The following SHQ1 variants were observed in gnomAD, a reference collection of about 807,000 sequenced individuals.
SHQ1 encodes SHQ1, H/ACA ribonucleoprotein assembly factor.
In SHQ1, 49 loss-of-function variants were observed where a neutral mutation model predicts 53.8. The observed-to-expected ratio is 0.91, with a 90% confidence interval of 0.72 to 1.16. SHQ1 has a LOEUF of 1.16. Among genes scored for constraint, SHQ1 ranks in the 50% most tolerant of loss-of-function variants. The pLI is 0.00. For missense variants in SHQ1, 738 were observed against 683.1 expected (o/e 1.08, Z -0.90); for synonymous variants, 243 against 251.0 (o/e 0.97, Z 0.30).
At chr3:72,813,473 A>G (rs1707191000) in intron 8 of SHQ1, among the ~76,000 whole-genome samples, 1 of 150,912 alleles carries the variant, frequency 6.6e-6, no homozygotes, top group Non-Finnish European at 1.5e-5. Context: ...CTCAAAAAAA[A>G]AAAAAAAAAA....
At chr3:72,731,506 T>C in the SHQ1 span, among the ~76,000 whole-genome samples, 3 of 150,224 alleles carry the variant, frequency 2.0e-5, no homozygotes, top group East Asian at 5.9e-4. Context: ...GCCAACATGG[T>C]GAAACCCCAT....
chr3:72,825,853 C>T (rs775704698), intron 5 of SHQ1, among the ~76,000 whole-genome samples: 6 of 152,164 alleles, frequency 3.9e-5, no homozygotes, highest in Non-Finnish European at 8.8e-5. Flanking sequence ...AACTGAGATA[C>T]TGAAATCACT....
At chr3:72,757,040 G>T (rs145173538) in intron 10 of SHQ1, among the ~76,000 whole-genome samples, 8 of 152,322 alleles carry the variant, frequency 5.3e-5, no homozygotes, top group Non-Finnish European at 1.0e-4. Flanking sequence ...GGGGAACTGG[G>T]TATAAATGGA....
At chr3:72,787,717 C>T (rs534401106) in intron 10 of SHQ1, among the ~76,000 whole-genome samples, 40 of 151,984 alleles carry the variant, frequency 2.6e-4, no homozygotes, top group Admixed American at 2.4e-3. Context: ...CTCTCCCCCT[C>T]CCCCTCCCTC....
chr3:72,741,483 G>C, the SHQ1 span, among the ~76,000 whole-genome samples: 2 of 152,154 alleles, frequency 1.3e-5, no homozygotes, highest in Non-Finnish European at 2.9e-5. Flanking sequence ...CTACTCAGGA[G>C]GCTGAGGCAG....
chr3:72,751,496 G>GTACATATATATATATATATATATA (rs1372925082), intron 10 of SHQ1, among the ~76,000 whole-genome samples: 3 of 117,156 alleles, frequency 2.6e-5, no homozygotes, highest in Admixed American at 7.9e-5. Context: ...GTGTGTGTGT[G>GTACATATATATATATATATATATA]TGTGTGTGTG....
the SHQ1 span, among the ~76,000 whole-genome samples, chr3:72,726,910 T>C: frequency 1.3e-5 from 2 of 152,228 alleles, no homozygotes; most frequent in East Asian, 1.9e-4. Context: ...ATTTGTGTTA[T>C]AGGCAAAAAT....
In SHQ1 at chr3:72,750,734, A is replaced by G; in HGVS notation, c.1284T>C (p.Leu428=). 1 of 1,556,518 alleles carries G rather than the reference A, an allele frequency of 6.4e-7. No individual in the cohort carries two copies. Among genetic ancestry groups the G allele is most frequent in the Non-Finnish European group, 8.7e-7 (1 of 1,149,362 alleles). Residue 428 remains leucine (L), a synonymous_variant, in exon 11 of 11, where the codon CTT becomes CTC. Coordinates refer to ENST00000325599, the MANE Select transcript of SHQ1 (RefSeq NM_018130.3). The stretch of plus-strand genomic sequence containing the variant: ...TTAATGCAGTTTCTTCCTCCTGGAC[A>G]AGCAGTGCTGCTGCTTCTAGTTCTT... ...ELEELEAAAL[L]VQEEETALKA...
At chr3:72,751,474 A>ATGTGTGTGTG (rs1491475817) in intron 10 of SHQ1, among the ~76,000 whole-genome samples, 1 of 106,128 alleles carries the variant, frequency 9.4e-6, no homozygotes, top group African/African-American at 4.4e-5. Flanking sequence ...TAATAAGCAC[A>ATGTGTGTGTG]TATGTGTGTG....
chr3:72,765,557 A>ATT lies in SHQ1; in HGVS notation c.1182-14723_1182-14722dup, dbSNP rs61074795. Among the ~76,000 whole-genome samples, 116 of 57,180 alleles carry ATT rather than the reference A, an allele frequency of 2.0e-3. 1 individual carries two copies. Among genetic ancestry groups the ATT allele is most frequent in the Non-Finnish European group, 2.4e-3 (76 of 31,884 alleles). The allele number at this position is 57,180 out of a possible 152,430, so 37.5% of individuals were successfully genotyped here. A position where few individuals can be genotyped will look rare whatever the true frequency, so the allele number is the denominator to read the frequency against. The stretch of plus-strand genomic sequence containing the variant: ...TATATATATATATATATATATATAT[A>ATT]TTTTTTTTTTTTTTTTGAGACAGTC... On this transcript the variant is annotated intron_variant, in intron 10 of 10. Coordinates refer to ENST00000325599, the MANE Select transcript of SHQ1 (RefSeq NM_018130.3).
At chr3:72,727,039 A>C in the SHQ1 span, among the ~76,000 whole-genome samples, 2 of 152,026 alleles carry the variant, frequency 1.3e-5, no homozygotes, top group African/African-American at 4.8e-5. Context: ...ATTTCAGTCA[A>C]CTCTTGACAT....
At chr3:72,772,929 C>A in intron 10 of SHQ1, 1 of 855,886 alleles carries the variant, frequency 1.2e-6, no homozygotes, top group Non-Finnish European at 2.0e-6. Flanking sequence ...AGTTATTTGA[C>A]CAGCATGAAG....
chr3:72,793,097 G>T, intron 9 of SHQ1, 61 bp from the exon 10 acceptor site: 1 of 1,433,874 alleles, frequency 7.0e-7, no homozygotes, highest in East Asian at 2.3e-5. Flanking sequence ...GACCCTGAGA[G>T]GTAATATATC....
chr3:72,753,050 C>A (rs1272736645), intron 10 of SHQ1: 1 of 984,984 alleles, frequency 1.0e-6, no homozygotes, highest in Non-Finnish European at 1.2e-6. Flanking sequence ...AACTTGGATG[C>A]ATTTAGTTGT....
the SHQ1 span, among the ~76,000 whole-genome samples, chr3:72,733,194 A>C: frequency 6.6e-6 from 1 of 151,602 alleles, no homozygotes; most frequent in Non-Finnish European, 1.5e-5. Flanking sequence ...ATGGCAAGCC[A>C]TGCAGCCCAG....
At chr3:72,820,983 T>C (rs1707458158) in intron 6 of SHQ1, among the ~76,000 whole-genome samples, 1 of 152,176 alleles carries the variant, frequency 6.6e-6, no homozygotes, top group Non-Finnish European at 1.5e-5. Context: ...AATCCTCCCT[T>C]CCTCTCTAAA....
the SHQ1 span, among the ~76,000 whole-genome samples, chr3:72,733,454 T>A: frequency 6.6e-6 from 1 of 151,398 alleles, no homozygotes; most frequent in African/African-American, 2.4e-5. Flanking sequence ...CAAATTCTCA[T>A]GAGGTTTACA....
intron 5 of SHQ1, among the ~76,000 whole-genome samples, chr3:72,832,025 T>A (rs761125462): frequency 5.9e-5 from 9 of 152,350 alleles, no homozygotes; most frequent in Non-Finnish European, 8.8e-5. Flanking sequence ...CATATTTTCA[T>A]TTATGCATAC....
At chr3:72,726,510 G>A in the SHQ1 span, among the ~76,000 whole-genome samples, 4 of 152,220 alleles carry the variant, frequency 2.6e-5, no homozygotes, top group African/African-American at 9.6e-5. Context: ...ATGCCACCAC[G>A]TCAGCTAATT....
Sources: gnomAD v4.1 joint callset for allele counts (sites outside exome capture counted in the v4.1 genomes callset) on GRCh38, gnomAD v4.1.1 for gene constraint, MANE v1.5 for transcripts, NCBI Gene and HGNC (gene_info 2026-07-23, HGNC 2026-07-21) for gene names.